ATP2C2: variants seen among roughly 807,000 people sequenced by gnomAD.
ATP2C2 encodes calcium-transporting ATPase type 2C member 2.
A neutral mutation model predicts 110.8 loss-of-function variants in ATP2C2; 171 were observed. The observed-to-expected ratio is 1.54, with a 90% confidence interval of 1.36 to 1.75. ATP2C2 has a LOEUF of 1.75. ATP2C2 is among the 40% of genes most tolerant of loss of function. The pLI is 0.00. For synonymous variants in ATP2C2, 804 were observed against 508.4 expected, an observed-to-expected ratio of 1.58 and a Z score of -7.82; for missense variants, 1,963 against 1,235.0, an observed-to-expected ratio of 1.59 and a Z score of -8.84.
Position 84,408,420 on chromosome 16 carries a change from A to G in ATP2C2, c.343A>G (p.Ile115Val). ...TCCTCTTCAGTTTAAGAACCCCCTG[A>G]TCCTGCTGCTGCTGGGCTCTGCCCT... ...KYLDQFKNPL[I>V]LLLLGSALVS... The change falls in exon 4 of 27, where the codon ATC (isoleucine) becomes GTC (valine). Residue 115 changes from isoleucine to valine, a missense_variant. Transcript: ENST00000262429. The G allele has an allele frequency of 6.2e-7, 1 of 1,613,798 alleles. No individual in the cohort carries two copies.
chr16:84,447,884 T>G (rs1393338132), intron 16 of ATP2C2, among the ~76,000 whole-genome samples: 1 of 121,378 alleles, frequency 8.2e-6, no homozygotes, highest in African/African-American at 2.9e-5. Context: ...TAATTACATA[T>G]TAATAACATA....
At chr16:84,409,192 C>T (rs1056848641) in intron 4 of ATP2C2, among the ~76,000 whole-genome samples, 22 of 152,116 alleles carry the variant, frequency 1.4e-4, no homozygotes, top group African/African-American at 4.8e-4. Context: ...AGCAAACTAT[C>T]ACAAGGACAG....
At chr16:84,396,431 T>C (rs1460079017) in intron 1 of ATP2C2, among the ~76,000 whole-genome samples, 2 of 150,868 alleles carry the variant, frequency 1.3e-5, no homozygotes, top group Non-Finnish European at 2.9e-5. Context: ...GTGCCTGTAG[T>C]CCCAGCTACT....
intron 1 of ATP2C2, among the ~76,000 whole-genome samples, chr16:84,375,294 C>A (rs186596717): frequency 6.6e-6 from 1 of 152,292 alleles, no homozygotes; most frequent in Admixed American, 6.5e-5. Context: ...GTAATCCCAG[C>A]ACTTTGGGAG....
intron 3 of ATP2C2, among the ~76,000 whole-genome samples, chr16:84,406,159 C>G (rs1348153854): frequency 6.6e-6 from 1 of 152,234 alleles, no homozygotes; most frequent in African/African-American, 2.4e-5. Flanking sequence ...CCCTTGCTAG[C>G]TGCTGCCATC....
intron 4 of ATP2C2, among the ~76,000 whole-genome samples, chr16:84,409,359 T>A (rs1906066959): frequency 6.6e-6 from 1 of 151,934 alleles, no homozygotes; most frequent in African/African-American, 2.4e-5. Flanking sequence ...AAATGACGAG[T>A]TGATGGGTGC....
rs200869801 is a variant in ATP2C2 at position 84,451,909 on chromosome 16, C to T, written c.1661-12C>T. 5.0e-6 allele frequency: 8 copies of T among 1,609,502 alleles called. No homozygotes were observed. The highest frequency in any genetic ancestry group is 1.7e-4 in the Middle Eastern group (1 of 6,004). ...CCCCGGTGACCCCTCCTTACTCCCCCTCTCTCCTCAGTGCTGGCCCTGGCT... is the reference window on the plus strand; with the variant it reads ...CCCCGGTGACCCCTCCTTACTCCCCTTCTCTCCTCAGTGCTGGCCCTGGCT... On this transcript the variant is annotated splice_polypyrimidine_tract_variant and intron_variant, in intron 17 of 26. Coordinates refer to ENST00000262429, the MANE Select transcript of ATP2C2 (RefSeq NM_014861.4).
intron 23 of ATP2C2, 173 bp from the exon 24 acceptor site, chr16:84,460,480 TG>T: frequency 1.2e-6 from 1 of 863,586 alleles, no homozygotes; most frequent in Non-Finnish European, 1.9e-6. Flanking sequence ...ACCCAGGCTC[TG>T]GGGCTTCTGG....
At chr16:84,396,690 G>A (rs1905004186) in intron 1 of ATP2C2, among the ~76,000 whole-genome samples, 1 of 151,854 alleles carries the variant, frequency 6.6e-6, no homozygotes, top group Non-Finnish European at 1.5e-5. Context: ...CAAGAATCAA[G>A]CACTTTATTT....
intron 7 of ATP2C2, 137 bp from the exon 8 acceptor site, chr16:84,422,253 C>A: frequency 9.7e-7 from 1 of 1,030,416 alleles, no homozygotes; most frequent in Non-Finnish European, 1.4e-6. Flanking sequence ...CAGAGGCCGT[C>A]GTTGTGACAC....
At chr16:84,444,177 AAAAAAAAC>A (rs1483368551) in intron 15 of ATP2C2, among the ~76,000 whole-genome samples, 2 of 150,910 alleles carry the variant, frequency 1.3e-5, no homozygotes, top group Non-Finnish European at 3.0e-5. Flanking sequence ...AAAAAAAAAA[AAAAAAAAC>A]AAAAAGATTG....
intron 23 of ATP2C2, 50 bp downstream of exon 23, chr16:84,459,436 G>A (rs1389641502): frequency 1.9e-6 from 3 of 1,604,670 alleles, no homozygotes; most frequent in Admixed American, 1.7e-5. Flanking sequence ...CACCTGCGGG[G>A]CTTCCTCCAG....
chr16:84,379,328 C>T (rs996780430), intron 1 of ATP2C2, among the ~76,000 whole-genome samples: 11 of 152,164 alleles, frequency 7.2e-5, no homozygotes, highest in Admixed American at 7.2e-4. Context: ...AAGCACACAA[C>T]CATGCTTGGC....
chr16:84,412,708 A>C (rs1173636517), intron 6 of ATP2C2, among the ~76,000 whole-genome samples: 1 of 151,980 alleles, frequency 6.6e-6, no homozygotes, highest in Non-Finnish European at 1.5e-5. Flanking sequence ...AAAAAGGCCA[A>C]AGTCTTCTCC....
Position 84,389,228 on chromosome 16 carries a change from C to G in ATP2C2, c.100-9271C>G, listed in dbSNP as rs552114070. 1.2e-4 allele frequency among the ~76,000 whole-genome samples: 18 copies of G among 152,336 alleles called. No homozygotes were observed. In the East Asian group the frequency reaches 3.5e-3, roughly 29 times the overall value. On this transcript the variant is annotated intron_variant, in intron 1 of 26. Coordinates refer to ENST00000262429, the MANE Select transcript of ATP2C2 (RefSeq NM_014861.4). ...CTTGTTCTTCTCAGCACCTTCATGCCTGTTCTTCCCTCAGCCCAGAAGGCC... is the reference window on the plus strand; with the variant it reads ...CTTGTTCTTCTCAGCACCTTCATGCGTGTTCTTCCCTCAGCCCAGAAGGCC...
At chr16:84,443,821 C>T (rs1325528131) in intron 15 of ATP2C2, among the ~76,000 whole-genome samples, 1 of 152,102 alleles carries the variant, frequency 6.6e-6, no homozygotes, top group Non-Finnish European at 1.5e-5. Context: ...AGGTGGTCGC[C>T]CTCTCATAAG....
chr16:84,454,922 G>A lies in ATP2C2; in HGVS notation c.2085G>A (p.Gly695=), dbSNP rs1333331223. ...TTGGGATCGCCATGGGGCAGACAGG[G>A]ACGGACGTCAGCAAAGAGGCCGCCA... ...ADIGIAMGQT[G]TDVSKEAANM... The change falls in exon 21 of 27, where the codon GGG becomes GGA. Residue 695 remains glycine, a synonymous_variant. Transcript: ENST00000262429. 1.3e-5 allele frequency: 21 copies of A among 1,614,036 alleles called. No homozygotes were observed. Among genetic ancestry groups the A allele is most frequent in the Non-Finnish European group, 1.8e-5 (21 of 1,179,950 alleles).
intron 11 of ATP2C2, among the ~76,000 whole-genome samples, chr16:84,438,181 A>T (rs1037499523): frequency 6.6e-6 from 1 of 152,178 alleles, no homozygotes; most frequent in African/African-American, 2.4e-5. Flanking sequence ...ACATTTTTTA[A>T]AGGAAAATTT....
At chr16:84,460,835 C>A in intron 24 of ATP2C2, 34 bp downstream of exon 24, 1 of 1,589,744 alleles carries the variant, frequency 6.3e-7, no homozygotes. Flanking sequence ...GTTCTCCAAG[C>A]CCTGGTGCGG....
Sources: allele counts gnomAD v4.1 joint callset (sites outside exome capture counted in the v4.1 genomes callset), GRCh38; gene constraint gnomAD v4.1.1; transcripts MANE v1.5; gene names NCBI Gene and HGNC (gene_info 2026-07-23, HGNC 2026-07-21).